The following LDLRAP1 variants were observed in gnomAD, a reference collection of about 807,000 sequenced individuals.
The protein encoded by LDLRAP1 is low density lipoprotein receptor adaptor protein 1, also known as low density lipoprotein receptor adapter protein 1.
In LDLRAP1, 30 loss-of-function variants were observed where a neutral mutation model predicts 37.8. The ratio of observed to expected loss-of-function variants is 0.79; its 90% confidence interval spans 0.59 to 1.08. LDLRAP1 has a LOEUF of 1.08. Ranked by LOEUF, LDLRAP1 falls within the 50% of genes least tolerant of loss-of-function variation. LDLRAP1 has a pLI of 0.00. For synonymous variants in LDLRAP1, 156 were observed against 169.8 expected, an observed-to-expected ratio of 0.92 and a Z score of 0.63; for missense variants, 375 against 401.6, an observed-to-expected ratio of 0.93 and a Z score of 0.57.
chr1:25,578,301 G>A, the LDLRAP1 span, among the ~76,000 whole-genome samples: 1 of 152,328 alleles, frequency 6.6e-6, no homozygotes, highest in Non-Finnish European at 1.5e-5. Flanking sequence ...CGGCCCTCAA[G>A]CAGCCCTCCA....
At chr1:25,564,893 C>CA (rs974928342) in intron 7 of LDLRAP1, 2 of 477,744 alleles carry the variant, frequency 4.2e-6, no homozygotes, top group East Asian at 3.6e-5. Context: ...CCCAAGGTCT[C>CA]ACGGGCAGGT....
chr1:25,575,423 T>TAAAAA, the LDLRAP1 span, among the ~76,000 whole-genome samples: 2 of 108,730 alleles, frequency 1.8e-5, no homozygotes, highest in African/African-American at 7.4e-5. Flanking sequence ...CTGTCTCTAC[T>TAAAAA]AAAAAAAAAA....
At chr1:25,565,011 G>A (rs1040688493) in intron 7 of LDLRAP1, 162 bp from the exon 8 acceptor site, 9 of 733,126 alleles carry the variant, frequency 1.2e-5, no homozygotes, top group Admixed American at 2.0e-5. Context: ...AGATGCTGGC[G>A]ATGCACCCAG....
At chr1:25,553,649 C>G in intron 1 of LDLRAP1, 1 of 447,224 alleles carries the variant, frequency 2.2e-6, no homozygotes, top group Admixed American at 3.5e-5. Context: ...GTCAGGAGTT[C>G]GAGACCAGCT....
At chr1:25,560,559 C>T (rs1316604180) in intron 4 of LDLRAP1, among the ~76,000 whole-genome samples, 1 of 152,210 alleles carries the variant, frequency 6.6e-6, no homozygotes, top group Non-Finnish European at 1.5e-5. Context: ...CAAAGTGCTA[C>T]CCCCATTTCC....
At chr1:25,575,438 A>C in the LDLRAP1 span, among the ~76,000 whole-genome samples, 8 of 151,018 alleles carry the variant, frequency 5.3e-5, no homozygotes, top group East Asian at 1.6e-3. Flanking sequence ...AAAAAAAAAA[A>C]AAAAAAACCA....
Position 25,563,703 on chromosome 1 carries a change from A to T in LDLRAP1, c.659A>T (p.Lys220Met). Residue 220 changes from lysine (K) to methionine (M), a missense_variant, in exon 7 of 9, where the codon AAG becomes ATG. Transcript: ENST00000374338. ...GNLLDLEETA[K>M]APLSTVSANT... ...CTGCTGGACTTAGAGGAGACAGCTAAGGCCCCGCTGTCCACGGTCAGCGCC... is the reference window on the plus strand; with the variant it reads ...CTGCTGGACTTAGAGGAGACAGCTATGGCCCCGCTGTCCACGGTCAGCGCC... 1.9e-6 allele frequency: 3 copies of T among 1,613,952 alleles called. No homozygotes were observed. The highest frequency in any genetic ancestry group is 2.5e-6 in the Non-Finnish European group (3 of 1,180,036).
Position 25,554,732 on chromosome 1 carries a change from A to G in LDLRAP1, c.232-128A>G, listed in dbSNP as rs374051893. ...AGGTGCTGGCTGAGTGGTCTTGCCC[A>G]CACTGCTGCCAGTCACCTGAGCTGA... On this transcript the variant is annotated intron_variant, in intron 2 of 8. Coordinates refer to ENST00000374338, the MANE Select transcript of LDLRAP1 (RefSeq NM_015627.3). The surrounding 1 kb of genome is among the most constrained non-coding windows in gnomAD (Gnocchi z 5.4). 2 of 739,398 alleles carry G rather than the reference A, an allele frequency of 2.7e-6. No homozygotes were observed. The highest frequency in any genetic ancestry group is 4.0e-5 in the Admixed American group (2 of 50,050). 45.8% of individuals were successfully genotyped at this position (739,398 alleles called of 1,614,324 possible).
chr1:25,547,490 A>AAATT (rs1557694987), intron 1 of LDLRAP1, among the ~76,000 whole-genome samples: 1 of 132,920 alleles, frequency 7.5e-6, no homozygotes, highest in African/African-American at 3.1e-5. Flanking sequence ...CTCAAATAAT[A>AAATT]AATAAATAAA....
the LDLRAP1 span, among the ~76,000 whole-genome samples, chr1:25,574,017 C>CG: frequency 1.3e-5 from 2 of 152,068 alleles, no homozygotes; most frequent in Admixed American, 1.3e-4. Flanking sequence ...GGAAAAAGGG[C>CG]GGTGGGGGGA....
At chr1:25,559,874 C>T (rs1050237003) in intron 4 of LDLRAP1, among the ~76,000 whole-genome samples, 14 of 152,196 alleles carry the variant, frequency 9.2e-5, no homozygotes, top group Non-Finnish European at 1.8e-4. Context: ...TGGCCTGAGC[C>T]ATGGAGAAAA....
At position 25,565,465 on chromosome 1, in the gene LDLRAP1, G is replaced by A. The variant is rs1436629349; in HGVS notation, c.782+258G>A. 3.9e-5 allele frequency among the ~76,000 whole-genome samples: 6 copies of A among 152,038 alleles called. No individual in the cohort carries two copies. In the East Asian group the frequency reaches 5.8e-4, roughly 15 times the overall value. ...AACTATTCCTGGTGGCTGCTCTGCC[G>A]CAGTCTGAGGTGAGCGAAACACACT... On this transcript the variant is annotated intron_variant, in intron 8 of 8. Transcript: ENST00000374338.
chr1:25,563,229 C>T (rs1000958582), intron 6 of LDLRAP1, 76 bp downstream of exon 6: 1 of 1,256,948 alleles, frequency 8.0e-7, no homozygotes. Context: ...CCCACTCCTG[C>T]CTGGGCTGGG....
In LDLRAP1 at chr1:25,555,742, G is replaced by C. The variant is rs2044182414; in HGVS notation, c.344+770G>C. Among the ~76,000 whole-genome samples, 1 of 152,282 alleles carries C rather than the reference G, an allele frequency of 6.6e-6. No individual in the cohort carries two copies. The highest frequency in any genetic ancestry group is 2.4e-5 in the African/African-American group (1 of 41,550). Reference sequence around the variant, plus strand: ...CAGTAGATGTGTGTTGTGGGGGTCTGGCTGATGTCTTCCTCTCACCGGCCT... The same window carrying C: ...CAGTAGATGTGTGTTGTGGGGGTCTCGCTGATGTCTTCCTCTCACCGGCCT... On this transcript the variant is annotated intron_variant, in intron 3 of 8. Coordinates refer to ENST00000374338, the MANE Select transcript of LDLRAP1 (RefSeq NM_015627.3). This position sits in a 1 kb window ranked among gnomAD's most constrained non-coding sequence, Gnocchi z 4.7.
At chr1:25,563,876 G>GA in intron 7 of LDLRAP1, 85 bp downstream of exon 7, 1 of 1,584,444 alleles carries the variant, frequency 6.3e-7, no homozygotes, top group Non-Finnish European at 8.6e-7. Context: ...CCAGGCCCTG[G>GA]GACCCGTGAC....
chr1:25,570,586 G>A (rs184383276), downstream of LDLRAP1, among the ~76,000 whole-genome samples: 5 of 152,222 alleles, frequency 3.3e-5, no homozygotes, highest in Non-Finnish European at 2.9e-5. Flanking sequence ...CCGGCCGGGC[G>A]CAGTGGCTCA....
chr1:25,586,311 G>A, the LDLRAP1 span, among the ~76,000 whole-genome samples: 15,857 of 152,162 alleles, frequency 0.1, 1,857 homozygotes, highest in African/African-American at 0.25. The surrounding 1 kb of genome is among the most constrained non-coding windows in gnomAD (Gnocchi z 4.3). Flanking sequence ...TGGCTGGAGA[G>A]AGTTGCAGAC....
intron 6 of LDLRAP1, 64 bp from the exon 7 acceptor site, chr1:25,563,597 C>G: frequency 6.2e-7 from 1 of 1,603,416 alleles, no homozygotes; most frequent in East Asian, 2.2e-5. Context: ...CAGGACAGCC[C>G]AGGGAGGGGG....
In LDLRAP1 at chr1:25,562,778, G is replaced by A. The variant is rs2044374424; in HGVS notation, c.532+62G>A. 3.4e-6 allele frequency: 5 copies of A among 1,469,898 alleles called. No individual in the cohort carries two copies. In the East Asian group the frequency reaches 1.1e-4, roughly 33 times the overall value. 91.1% of individuals were successfully genotyped at this position (1,469,898 alleles called of 1,614,324 possible). The stretch of plus-strand genomic sequence containing the variant: ...GGTGGGGAGACACATAAAGGCCCTG[G>A]GGTCAGACCTGGACCGACTTCCTGC... On this transcript the variant is annotated intron_variant, in intron 5 of 8. Transcript: ENST00000374338.
Sources: gnomAD v4.1 joint callset for allele counts (sites outside exome capture counted in the v4.1 genomes callset) on GRCh38, gnomAD v4.1.1 for gene constraint, Gnocchi (gnomAD v3.1) non-coding constraint, MANE v1.5 for transcripts, NCBI Gene and HGNC (gene_info 2026-07-23, HGNC 2026-07-21) for gene names.